Variants in IKBKB observed in about 807,000 individuals in gnomAD.
The protein encoded by IKBKB is inhibitor of nuclear factor kappa-B kinase subunit beta.
IKBKB carries 42 observed loss-of-function variants against 113.6 expected under a neutral mutation model. That is an observed-to-expected ratio of 0.37 (90% CI 0.29 to 0.48). The LOEUF is 0.48. Among genes scored for constraint, IKBKB ranks in the 20% least tolerant of loss-of-function variants. IKBKB has a pLI of 0.99. For missense variants in IKBKB, 673 were observed against 939.7 expected, an observed-to-expected ratio of 0.72 and a Z score of 3.71; for synonymous variants, 296 against 361.3, an observed-to-expected ratio of 0.82 and a Z score of 2.05.
intron 20 of IKBKB, among the ~76,000 whole-genome samples, chr8:42,326,855 C>T (rs2130718723): frequency 6.6e-6 from 1 of 152,268 alleles, no homozygotes. Flanking sequence ...CCACGCCCAT[C>T]TCTTCCTGTG....
intron 2 of IKBKB, among the ~76,000 whole-genome samples, chr8:42,283,748 T>C (rs1013593312): frequency 1.3e-5 from 2 of 152,250 alleles, no homozygotes; most frequent in African/African-American, 4.8e-5. Context: ...ACCAAGTTTG[T>C]GGTAATTTAT....
Position 42,314,373 on chromosome 8 carries a change from C to A in IKBKB, c.744C>A (p.Asp248Glu). The A allele has an allele frequency of 6.2e-7, 1 of 1,614,080 alleles. No homozygotes were observed. Among genetic ancestry groups the A allele is most frequent in the Non-Finnish European group, 8.5e-7 (1 of 1,179,916 alleles). Residue 248 changes from aspartate to glutamate, a missense_variant, in exon 9 of 22, where the codon GAC (aspartate) becomes GAA (glutamate). Asp to Glu is a conservative substitution (Grantham distance 45). Transcript: ENST00000520810. ...AGGTGGACATTGTTGTTAGCGAAGA[C>A]TTGAATGGAACGGTGAAGTTTTCAA... ...KSEVDIVVSE[D>E]LNGTVKFSSS...
chr8:42,319,466 T>C, intron 14 of IKBKB, 45 bp downstream of exon 14: 7 of 1,610,484 alleles, frequency 4.3e-6, no homozygotes, highest in Non-Finnish European at 4.2e-6. Context: ...CATTTTTTTT[T>C]CTTTTTCTCT....
intron 2 of IKBKB, among the ~76,000 whole-genome samples, chr8:42,285,212 G>C (rs1022378567): frequency 1.3e-5 from 2 of 152,030 alleles, no homozygotes; most frequent in Admixed American, 6.6e-5. Context: ...AGATGGACTT[G>C]TGTCCACCAT....
intron 2 of IKBKB, among the ~76,000 whole-genome samples, chr8:42,282,941 A>T (rs949803203): frequency 1.3e-5 from 2 of 152,222 alleles, no homozygotes; most frequent in African/African-American, 4.8e-5. Flanking sequence ...GGGAGTTAGG[A>T]TTTCGCCTCA....
intron 5 of IKBKB, among the ~76,000 whole-genome samples, chr8:42,296,774 G>T (rs1813937954): frequency 6.6e-6 from 1 of 152,046 alleles, no homozygotes; most frequent in African/African-American, 2.4e-5. Context: ...TCCAATACTG[G>T]CTCCTTTGCT....
chr8:42,287,252 T>G (rs1000534905), intron 2 of IKBKB, among the ~76,000 whole-genome samples: 2 of 152,174 alleles, frequency 1.3e-5, no homozygotes, highest in African/African-American at 4.8e-5. Flanking sequence ...GCTCAGCTCA[T>G]GATTCACCAG....
intron 21 of IKBKB, 81 bp from the exon 22 acceptor site, chr8:42,330,833 C>A (rs1367769520): frequency 1.2e-6 from 2 of 1,609,036 alleles, no homozygotes; most frequent in Non-Finnish European, 8.5e-7. Context: ...TCTCAATTGT[C>A]CTGATTTCCT....
intron 9 of IKBKB, among the ~76,000 whole-genome samples, chr8:42,315,898 A>G (rs1456388110): frequency 6.6e-6 from 1 of 152,018 alleles, no homozygotes; most frequent in African/African-American, 2.4e-5. Flanking sequence ...CCTGACCTCA[A>G]GTGATCCACC....
intron 20 of IKBKB, 84 bp downstream of exon 20, chr8:42,326,181 G>A (rs1820705622): frequency 6.6e-7 from 1 of 1,511,574 alleles, no homozygotes; most frequent in African/African-American, 1.4e-5. Context: ...ACTGGTAAAT[G>A]TCTGTCTGAT....
chr8:42,295,452 C>A (rs1029828065), intron 5 of IKBKB, among the ~76,000 whole-genome samples: 4 of 152,136 alleles, frequency 2.6e-5, no homozygotes, highest in Admixed American at 2.6e-4. Flanking sequence ...AAGTGCCGGG[C>A]GCAGTGGCTC....
At chr8:42,285,275 G>C (rs1290244167) in intron 2 of IKBKB, among the ~76,000 whole-genome samples, 1 of 152,206 alleles carries the variant, frequency 6.6e-6, no homozygotes, top group African/African-American at 2.4e-5. Flanking sequence ...GCCGGGTGCA[G>C]GGGCTTAGGC....
Position 42,330,960 on chromosome 8 carries a change from G to T in IKBKB, c.2252G>T (p.Cys751Phe). 6.2e-7 allele frequency: 1 copy of T among 1,614,172 alleles called. No homozygotes were observed. The highest frequency in any genetic ancestry group is 8.5e-7 in the Non-Finnish European group (1 of 1,180,034). Residue 751 changes from cysteine (C) to phenylalanine (F), a missense_variant, in exon 22 of 22, where the codon TGC (cysteine) becomes TTC (phenylalanine). Cys to Phe is a radical substitution (Grantham distance 205). Transcript: ENST00000520810. ...CAGACGGAAGAAGAAGAGCACAGCT[G>T]CCTGGAGCAGGCCTCATGATGTGGG... ...WLQTEEEEHS[C>F]LEQAS
In IKBKB at chr8:42,327,148, T is replaced by C. The variant is rs373144655; in HGVS notation, c.2114+1051T>C. 5.3e-5 allele frequency among the ~76,000 whole-genome samples: 8 copies of C among 152,294 alleles called. No homozygotes were observed. The East Asian group carries it at 1.5e-3, about 29-fold the overall frequency. Reference sequence around the variant, plus strand: ...CAATACAGTCTGCTTTGAAGAATCTTGTTCTTGTCCTTGGGAGTTTGTAGC... The same window carrying C: ...CAATACAGTCTGCTTTGAAGAATCTCGTTCTTGTCCTTGGGAGTTTGTAGC... On this transcript the variant is annotated intron_variant, in intron 20 of 21. Coordinates refer to ENST00000520810, the MANE Select transcript of IKBKB (RefSeq NM_001556.3).
At chr8:42,293,978 C>T (rs1051698712) in intron 5 of IKBKB, among the ~76,000 whole-genome samples, 3 of 152,176 alleles carry the variant, frequency 2.0e-5, no homozygotes, top group African/African-American at 7.2e-5. Flanking sequence ...ATCTGCGGCA[C>T]CCTCTGAGAA....
At chr8:42,304,242 A>G (rs1466450331) in intron 5 of IKBKB, among the ~76,000 whole-genome samples, 4 of 152,212 alleles carry the variant, frequency 2.6e-5, no homozygotes, top group African/African-American at 9.7e-5. Context: ...CTCTAGTCAT[A>G]GCATCTCCAA....
intron 2 of IKBKB, among the ~76,000 whole-genome samples, chr8:42,285,334 C>A (rs888214868): frequency 6.6e-6 from 1 of 151,926 alleles, no homozygotes; most frequent in African/African-American, 2.4e-5. Context: ...CCACTTGAGG[C>A]CAGGAGTTTG....
chr8:42,322,387 C>G lies in IKBKB; in HGVS notation c.1879C>G (p.Pro627Ala). The G allele has an allele frequency of 6.2e-7, 1 of 1,613,784 alleles. No homozygotes were observed. ...CAAGCAGAAGGCGCTGGAACTGTTGCCCAAGGTGGAAGAGGTGGTGAGCTT... is the reference window on the plus strand; with the variant it reads ...CAAGCAGAAGGCGCTGGAACTGTTGGCCAAGGTGGAAGAGGTGGTGAGCTT... ...VCKQKALELL[P>A]KVEEVVSLMN... Residue 627 changes from proline (P) to alanine (A), a missense_variant, in exon 19 of 22, where the codon CCC (proline) becomes GCC (alanine). Coordinates refer to ENST00000520810, the MANE Select transcript of IKBKB (RefSeq NM_001556.3).
Position 42,314,311 on chromosome 8 carries a change from C to T in IKBKB, c.693-11C>T. The T allele has an allele frequency of 6.3e-7, 1 of 1,592,868 alleles. No homozygotes were observed. The highest frequency in any genetic ancestry group is 8.6e-7 in the Non-Finnish European group (1 of 1,160,728). On this transcript the variant is annotated splice_polypyrimidine_tract_variant and intron_variant, in intron 8 of 21. Coordinates refer to ENST00000520810, the MANE Select transcript of IKBKB (RefSeq NM_001556.3). ...ACGTGTGACTGCACCTAACAAGATT[C>T]ATATTTGCAGGCATTCAAAAGTGCG...
Sources: allele counts gnomAD v4.1 joint callset (sites outside exome capture counted in the v4.1 genomes callset), GRCh38; gene constraint gnomAD v4.1.1; transcripts MANE v1.5; gene names NCBI Gene and HGNC (gene_info 2026-07-23, HGNC 2026-07-21).